The following MTMR8 variants were observed in gnomAD, a reference collection of about 807,000 sequenced individuals.
MTMR8 encodes myotubularin related protein 8.
MTMR8 carries 65 observed loss-of-function variants against 39.3 expected under a neutral mutation model. The observed-to-expected ratio is 1.65, with a 90% CI of 1.35 to 2.03. The LOEUF is 2.03. MTMR8 is among the 30% of genes most tolerant of loss of function. The pLI is 0.00. For synonymous variants in MTMR8, 245 were observed against 185.2 expected, an observed-to-expected ratio of 1.32 and a Z score of -2.62; for missense variants, 777 against 538.9, an observed-to-expected ratio of 1.44 and a Z score of -4.37.
At chrX:64,281,248 C>A (rs1387922050) in intron 12 of MTMR8, among the ~76,000 whole-genome samples, 1 of 110,884 alleles carries the variant, frequency 9.0e-6, no homozygotes, top group South Asian at 3.8e-4. Context: ...CAAGAAAATC[C>A]CAAGCAAAAA....
chrX:64,297,035 A>G (rs1921630131), intron 12 of MTMR8, among the ~76,000 whole-genome samples: 1 of 98,466 alleles, frequency 1.0e-5, no homozygotes, highest in East Asian at 3.2e-4. Context: ...ATGCCGCAAT[A>G]AACATACGTG....
chrX:64,292,407 G>GT (rs1921430271), intron 12 of MTMR8, among the ~76,000 whole-genome samples: 1 of 111,305 alleles, frequency 9.0e-6, no homozygotes, highest in African/African-American at 3.3e-5. Flanking sequence ...AAACCATAAA[G>GT]TAGGTGCATG....
chrX:64,340,526 G>A (rs1358173322), intron 8 of MTMR8, among the ~76,000 whole-genome samples: 1 of 111,494 alleles, frequency 9.0e-6, no homozygotes, highest in Non-Finnish European at 1.9e-5. Flanking sequence ...ACTGCCCTGG[G>A]CCATGTGGTT....
rs1030812819 is a variant in MTMR8, at chrX:64,395,421, G to T, written c.-58C>A. On this transcript the variant is annotated 5_prime_UTR_variant, in exon 1 of 14. Transcript: ENST00000374852. ...GCTACTCCAGATGCCGCCGCCACCG[G>T]TCTAGCCGCCTCCTGCCTCAACCCG... is the stretch of plus-strand genomic sequence containing the variant. 4.8e-5 allele frequency: 56 copies of T among 1,161,600 alleles called. No individual in the cohort carries two copies. Among genetic ancestry groups the T allele is most frequent in the Non-Finnish European group, 6.4e-5 (55 of 855,627 alleles).
chrX:64,301,033 G>A (rs1203004084), intron 12 of MTMR8, among the ~76,000 whole-genome samples: 4 of 104,105 alleles, frequency 3.8e-5, no homozygotes, highest in Non-Finnish European at 7.9e-5. Flanking sequence ...TTCAACTTTG[G>A]TGAATCTGAC....
chrX:64,370,488 T>C (rs193115426), intron 1 of MTMR8, among the ~76,000 whole-genome samples: 26 of 111,692 alleles, frequency 2.3e-4, no homozygotes, highest in Admixed American at 2.3e-3. Flanking sequence ...GCCCAAAGTC[T>C]GCCAGTGTGA....
chrX:64,285,200 T>C (rs7473779), intron 12 of MTMR8, among the ~76,000 whole-genome samples: 15 of 110,425 alleles, frequency 1.4e-4, no homozygotes, highest in Non-Finnish European at 2.5e-4. Flanking sequence ...AGACTTTAAA[T>C]CAACAAAGAT....
intron 12 of MTMR8, among the ~76,000 whole-genome samples, chrX:64,275,758 T>A (rs1413355018): frequency 1.8e-5 from 2 of 108,360 alleles, no homozygotes; most frequent in Non-Finnish European, 3.8e-5. Context: ...AAGAGAAGAC[T>A]TGAATAAATA....
Position 64,278,459 on chromosome X carries a change from G to GTTTTT in MTMR8, c.1482-7387_1482-7386insAAAAA, listed in dbSNP as rs1931928205. ...TGATGTTGATGCTATTTATTTTGCT[G>GTTTTT]GTTTTTTTTTTTTTTTTTTTTTTTT... On this transcript the variant is annotated intron_variant, in intron 12 of 13. Transcript: ENST00000374852. Among the ~76,000 whole-genome samples the GTTTTT allele has an allele frequency of 8.8e-4, 44 of 49,855 alleles. 21 individuals are homozygous for GTTTTT. Among genetic ancestry groups the GTTTTT allele is most frequent in the African/African-American group, 4.8e-3 (42 of 8,740 alleles). 43.3% of individuals were successfully genotyped at this position (49,855 alleles called of 115,157 possible). A position where few individuals can be genotyped will look rare whatever the true frequency, so the allele number is the denominator to read the frequency against.
At chrX:64,297,885 T>A (rs762855081) in intron 12 of MTMR8, among the ~76,000 whole-genome samples, 12 of 105,114 alleles carry the variant, frequency 1.1e-4, no homozygotes, top group African/African-American at 3.8e-4. Context: ...AAAGATCAGA[T>A]AGTTGTAGGT....
At chrX:64,340,665 T>A (rs956644694) in intron 8 of MTMR8, among the ~76,000 whole-genome samples, 2 of 111,981 alleles carry the variant, frequency 1.8e-5, no homozygotes, top group Non-Finnish European at 3.8e-5. Flanking sequence ...TTCAACCTTT[T>A]TGACTTCTCA....
At chrX:64,354,710 C>A in intron 4 of MTMR8, 67 bp downstream of exon 4, 2 of 1,033,338 alleles carry the variant, frequency 1.9e-6, no homozygotes, top group South Asian at 4.8e-5. Context: ...TTTTCAAAAT[C>A]TTGTTTCCTG....
At chrX:64,299,793 T>G (rs1921775384) in intron 12 of MTMR8, among the ~76,000 whole-genome samples, 1 of 100,918 alleles carries the variant, frequency 9.9e-6, no homozygotes, top group Admixed American at 1.1e-4. Context: ...TTGTTCTCGT[T>G]GGTTTCAAAG....
At chrX:64,379,634 C>T (rs1448173343) in intron 1 of MTMR8, among the ~76,000 whole-genome samples, 1 of 111,141 alleles carries the variant, frequency 9.0e-6, no homozygotes, top group Non-Finnish European at 1.9e-5. Context: ...CCAAATTTCT[C>T]CTTATAACCC....
intron 12 of MTMR8, chrX:64,305,702 G>A: frequency 1.9e-6 from 1 of 524,225 alleles, no homozygotes; most frequent in South Asian, 2.3e-5. Flanking sequence ...GGTAAGAGAG[G>A]GCCCAGTCTG....
chrX:64,314,530 C>T (rs1042823958), intron 12 of MTMR8, among the ~76,000 whole-genome samples: 8 of 113,055 alleles, frequency 7.1e-5, no homozygotes, highest in South Asian at 3.6e-4. Context: ...GTCTCTGTGC[C>T]TAGTTTCACT....
intron 12 of MTMR8, among the ~76,000 whole-genome samples, chrX:64,309,498 T>A (rs1270087464): frequency 9.0e-6 from 1 of 111,721 alleles, no homozygotes; most frequent in African/African-American, 3.3e-5. Context: ...TCTAGATTCG[T>A]TGGGATTTTT....
intron 1 of MTMR8, chrX:64,360,249 A>T (rs758119456): frequency 5.9e-6 from 1 of 168,128 alleles, no homozygotes; most frequent in Non-Finnish European, 1.1e-5. Flanking sequence ...GGACAAGAAG[A>T]TATAGCCATC....
At chrX:64,348,534 C>T in intron 6 of MTMR8, 126 bp downstream of exon 6, 2 of 856,064 alleles carry the variant, frequency 2.3e-6, no homozygotes, top group Non-Finnish European at 1.6e-6. Context: ...TGATTTTACA[C>T]AATGTCTGAC....
Sources: allele counts gnomAD v4.1 joint callset (sites outside exome capture counted in the v4.1 genomes callset), GRCh38; gene constraint gnomAD v4.1.1; transcripts MANE v1.5; gene names NCBI Gene and HGNC (gene_info 2026-07-23, HGNC 2026-07-21).